The following POU2F2 variants were observed in gnomAD, a reference collection of about 807,000 sequenced individuals.
POU2F2 encodes POU domain, class 2, transcription factor 2.
A neutral mutation model predicts 63.5 loss-of-function variants in POU2F2; 14 were observed. The ratio of observed to expected loss-of-function variants is 0.22; its 90% confidence interval spans 0.15 to 0.34. The LOEUF is 0.34. Ranked by LOEUF, POU2F2 falls within the 10% of genes least tolerant of loss-of-function variation. The pLI, the probability that POU2F2 is intolerant of heterozygous loss-of-function variation, is 1.00. For synonymous variants in POU2F2, 306 were observed against 348.6 expected, an observed-to-expected ratio of 0.88 and a Z score of 1.36; for missense variants, 607 against 815.2, an observed-to-expected ratio of 0.74 and a Z score of 3.11.
At chr19:42,122,038 C>T (rs1028436984) in intron 4 of POU2F2, 88 bp downstream of exon 4, 6 of 1,354,136 alleles carry the variant, frequency 4.4e-6, no homozygotes, top group Non-Finnish European at 6.3e-6. Flanking sequence ...AGGCTCAGTG[C>T]TCTCTCAGCC....
In POU2F2 at chr19:42,107,076, G is replaced by A. The variant is rs976861690; in HGVS notation, c.370-7255C>T. On this transcript the variant is annotated intron_variant, in intron 5 of 14. Transcript: ENST00000692977. ...AATTAATTAAAATTTGGCTGGGTGC[G>A]GTGGCTCATGCCTGTAATCCCAGCA... Among the ~76,000 whole-genome samples the A allele has an allele frequency of 6.6e-5, 10 of 151,676 alleles. No individual in the cohort carries two copies. The South Asian group carries it at 8.4e-4, about 13-fold the overall frequency.
chr19:42,129,424 G>A (rs1405280957), intron 1 of POU2F2, among the ~76,000 whole-genome samples: 1 of 152,010 alleles, frequency 6.6e-6, no homozygotes, highest in African/African-American at 2.4e-5. Flanking sequence ...CCAGGCCTGG[G>A]ACTCTTGGTC....
At chr19:42,166,023 T>C (rs1202426890) in intron 1 of POU2F2, among the ~76,000 whole-genome samples, 1 of 152,208 alleles carries the variant, frequency 6.6e-6, no homozygotes, top group Admixed American at 6.5e-5. Context: ...GCAATCCAGA[T>C]ATGAACAATG....
At position 42,171,222 on chromosome 19, in the gene POU2F2, T is replaced by C. The variant is rs753257807; in HGVS notation, c.-70+4741A>G. 1.8e-3 allele frequency among the ~76,000 whole-genome samples: 272 copies of C among 152,308 alleles called. 2 individuals carry two copies. Among genetic ancestry groups the C allele is most frequent in the Non-Finnish European group, 3.0e-3 (207 of 68,028 alleles). On this transcript the variant is annotated intron_variant, in intron 1 of 6. Coordinates refer to the POU2F2 transcript ENST00000524801. ...GATTGTGAGGCTGTGTGTTTGAGTATGTGTGGAAGTCCGCTTGTAGGTATA... is the reference window on the plus strand; with the variant it reads ...GATTGTGAGGCTGTGTGTTTGAGTACGTGTGGAAGTCCGCTTGTAGGTATA...
In POU2F2 at chr19:42,092,030, C is replaced by T; in HGVS notation, c.1466+39G>A. ...TCCCCACCCTAGAAGCAGCAGCGAC[C>T]CTGCTTCTCCCCACAGCTTCCCACG... On this transcript the variant is annotated intron_variant, in intron 13 of 14. Transcript: ENST00000692977. The surrounding 1 kb of genome is among the most constrained non-coding windows in gnomAD (Gnocchi z 5.0). The T allele has an allele frequency of 6.3e-7, 1 of 1,575,622 alleles. No individual in the cohort carries two copies. The highest frequency in any genetic ancestry group is 1.9e-5 in the Admixed American group (1 of 52,092).
At chr19:42,170,428 CAA>C (rs529460184) in intron 1 of POU2F2, among the ~76,000 whole-genome samples, 49 of 118,562 alleles carry the variant, frequency 4.1e-4, no homozygotes, top group Middle Eastern at 4.0e-3. Context: ...AACCCAACGC[CAA>C]AAAAAAAAAA....
At chr19:42,167,725 G>A (rs2146796560) in intron 1 of POU2F2, among the ~76,000 whole-genome samples, 1 of 152,316 alleles carries the variant, frequency 6.6e-6, no homozygotes, top group South Asian at 2.1e-4. Context: ...TGGGAGAAAT[G>A]ACAGGCTCTC....
chr19:42,139,488 T>G (rs2034085072), intron 2 of POU2F2, among the ~76,000 whole-genome samples: 2 of 152,136 alleles, frequency 1.3e-5, no homozygotes, highest in Admixed American at 1.3e-4. Flanking sequence ...GAACATTCTT[T>G]TATTTTATTT....
At chr19:42,135,933 A>C (rs1187872079), upstream of POU2F2, among the ~76,000 whole-genome samples, 4 of 150,718 alleles carry the variant, frequency 2.7e-5, no homozygotes, top group Admixed American at 1.3e-4. Flanking sequence ...CTGGTCTCGA[A>C]CTCCTGAGAT....
chr19:42,193,047 C>T (rs2035090936), intron 1 of POU2F2, among the ~76,000 whole-genome samples: 3 of 150,722 alleles, frequency 2.0e-5, no homozygotes, highest in Non-Finnish European at 4.4e-5. Flanking sequence ...GGTGAAATCC[C>T]GTCTCTACTA....
At chr19:42,106,015 CTTTCTT>C (rs749286387) in intron 5 of POU2F2, among the ~76,000 whole-genome samples, 1 of 141,094 alleles carries the variant, frequency 7.1e-6, no homozygotes, top group African/African-American at 2.7e-5. Flanking sequence ...TTCTTTCTTT[CTTTCTT>C]TCTTTCTTTC....
intron 5 of POU2F2, among the ~76,000 whole-genome samples, chr19:42,112,077 G>A (rs2031193509): frequency 6.6e-6 from 1 of 152,188 alleles, no homozygotes; most frequent in Non-Finnish European, 1.5e-5. Context: ...TAAAATTCCA[G>A]GACAGACAGG....
intron 1 of POU2F2, among the ~76,000 whole-genome samples, chr19:42,185,694 C>A (rs546245311): frequency 6.6e-6 from 1 of 152,300 alleles, no homozygotes; most frequent in Admixed American, 6.5e-5. Context: ...ACCTCCAGTT[C>A]ATCCATTCAT....
intron 1 of POU2F2, among the ~76,000 whole-genome samples, chr19:42,189,585 G>A (rs2035053529): frequency 6.6e-6 from 1 of 152,178 alleles, no homozygotes; most frequent in Non-Finnish European, 1.5e-5. Flanking sequence ...GTTAGCAAGA[G>A]TCGGTCTCTG....
chr19:42,139,603 C>G (rs1298005280), intron 2 of POU2F2, among the ~76,000 whole-genome samples: 2 of 152,098 alleles, frequency 1.3e-5, no homozygotes, highest in Non-Finnish European at 2.9e-5. Context: ...CCATGCCCAG[C>G]TAATTTTTGT....
intron 2 of POU2F2, among the ~76,000 whole-genome samples, chr19:42,140,622 C>G (rs2034108480): frequency 6.6e-6 from 1 of 152,222 alleles, no homozygotes; most frequent in Non-Finnish European, 1.5e-5. Flanking sequence ...GAAACCCTCC[C>G]TAGTCATGCT....
At chr19:42,197,093 A>C (rs73552850), upstream of POU2F2, among the ~76,000 whole-genome samples, 881 of 152,308 alleles carry the variant, frequency 5.8e-3, 11 homozygotes, top group African/African-American at 0.02. Context: ...TGGGAGCCCA[A>C]ACACAGGTAA....
At position 42,127,124 on chromosome 19, in the gene POU2F2, AT is replaced by A. The variant is rs576806077; in HGVS notation, c.29-4549del. On this transcript the variant is annotated intron_variant, in intron 1 of 14. Transcript: ENST00000692977. ...CCACATCCAGCTAATTAAAAAAAAAATTTTTTTTTTTTGTAGAGACGGGTCT... is the reference window on the plus strand; with the variant it reads ...CCACATCCAGCTAATTAAAAAAAAAATTTTTTTTTTTGTAGAGACGGGTCT... Among the ~76,000 whole-genome samples the A allele has an allele frequency of 1.8e-3, 270 of 146,904 alleles. 1 individual carries two copies. The South Asian group carries it at 0.025, about 14-fold the overall frequency.
At position 42,087,674 on chromosome 19, in the gene POU2F2, A is replaced by T. The variant is rs2146245574; in HGVS notation, c.*3583T>A. Reference sequence around the variant, plus strand: ...AGTCTCTGTCCCTCCCTTAAGTAGGAGGTCAGGGTTGGGGAGAAGAGAAAT... The same window carrying T: ...AGTCTCTGTCCCTCCCTTAAGTAGGTGGTCAGGGTTGGGGAGAAGAGAAAT... On this transcript the variant is annotated 3_prime_UTR_variant, in exon 15 of 15. Transcript: ENST00000692977. 6.7e-6 allele frequency: 1 copy of T among 148,630 alleles called. No homozygotes were observed. Among genetic ancestry groups the T allele is most frequent in the South Asian group, 2.1e-4 (1 of 4,710 alleles). 9.2% of individuals were successfully genotyped at this position (148,630 alleles called of 1,614,324 possible).
Sources: allele counts gnomAD v4.1 joint callset (sites outside exome capture counted in the v4.1 genomes callset), GRCh38; gene constraint gnomAD v4.1.1; non-coding constraint Gnocchi (gnomAD v3.1); transcripts MANE v1.5; gene names NCBI Gene and HGNC (gene_info 2026-07-23, HGNC 2026-07-21).